Variants in ABCA13 observed in about 807,000 individuals in gnomAD.
ABCA13 encodes the protein ATP binding cassette subfamily A member 13.
A neutral mutation model predicts 478.7 loss-of-function variants in ABCA13; 476 were observed. The ratio of observed to expected loss-of-function variants is 0.99; its 90% CI spans 0.92 to 1.07. The LOEUF (loss-of-function observed/expected upper bound fraction) is 1.07, where lower values mean the gene tolerates loss of function less well. Among genes scored for constraint, ABCA13 ranks in the 50% least tolerant of loss-of-function variants. The pLI, the probability that ABCA13 is intolerant of heterozygous loss-of-function variation, is 0.00. For missense variants in ABCA13, 6,060 were observed against 5,910.6 expected (o/e 1.03, Z -0.83); for synonymous variants, 2,252 against 2,158.9 (o/e 1.04, Z -1.20).
At chr7:48,356,198 GA>G (rs1809884103) in intron 31 of ABCA13, among the ~76,000 whole-genome samples, 3 of 151,818 alleles carry the variant, frequency 2.0e-5, no homozygotes, top group African/African-American at 7.3e-5. Flanking sequence ...GGTAAAGACA[GA>G]TAATCGACCA....
intron 58 of ABCA13, among the ~76,000 whole-genome samples, chr7:48,611,665 AG>A (rs1165972255): frequency 6.6e-6 from 1 of 152,188 alleles, no homozygotes; most frequent in African/African-American, 2.4e-5. Context: ...TCATGAGAAA[AG>A]CAAGGGGGAA....
intron 26 of ABCA13, among the ~76,000 whole-genome samples, chr7:48,316,008 G>A (rs1469086573): frequency 1.3e-5 from 2 of 151,972 alleles, no homozygotes; most frequent in African/African-American, 4.8e-5. Context: ...ATGTTCTCTT[G>A]ATGAGTAAAG....
intron 3 of ABCA13, among the ~76,000 whole-genome samples, chr7:48,204,068 C>T (rs1418415579): frequency 6.6e-6 from 1 of 151,850 alleles, no homozygotes. Flanking sequence ...CCTGCTGCTG[C>T]CTCACCTCAG....
intron 46 of ABCA13, among the ~76,000 whole-genome samples, chr7:48,482,249 G>T (rs926350614): frequency 6.6e-6 from 1 of 152,108 alleles, no homozygotes; most frequent in South Asian, 2.1e-4. Flanking sequence ...GAACTCAAAA[G>T]ACAAGGAACA....
chr7:48,503,475 C>G (rs1396282677), intron 48 of ABCA13, among the ~76,000 whole-genome samples: 1 of 152,208 alleles, frequency 6.6e-6, no homozygotes, highest in Non-Finnish European at 1.5e-5. Context: ...TGACAGCCTT[C>G]TACTCTCTCT....
At chr7:48,550,265 C>CTTTTTTTTT (rs57540403) in intron 55 of ABCA13, among the ~76,000 whole-genome samples, 7 of 148,326 alleles carry the variant, frequency 4.7e-5, no homozygotes, top group Non-Finnish European at 8.9e-5. Flanking sequence ...CTCTATTTTT[C>CTTTTTTTTT]TTTTTTTTGG....
intron 21 of ABCA13, among the ~76,000 whole-genome samples, chr7:48,296,464 CT>C (rs557053131): frequency 1.0e-3 from 146 of 143,380 alleles, no homozygotes; most frequent in Non-Finnish European, 9.8e-4. Context: ...TTTCTTTTCT[CT>C]TTTTTTTTTT....
chr7:48,321,709 C>G (rs1013707919), intron 27 of ABCA13, among the ~76,000 whole-genome samples: 1 of 152,148 alleles, frequency 6.6e-6, no homozygotes, highest in Non-Finnish European at 1.5e-5. Context: ...GGCCTCAGCA[C>G]CAAGCTGGCC....
At chr7:48,438,659 C>T (rs1823168502) in intron 42 of ABCA13, among the ~76,000 whole-genome samples, 1 of 151,200 alleles carries the variant, frequency 6.6e-6, no homozygotes, top group South Asian at 2.1e-4. Flanking sequence ...TGAAACTTAT[C>T]AAAATTTTAC....
chr7:48,225,135 GCCTTCCTTCCTTCCTT>G lies in ABCA13; in HGVS notation c.469-2085_469-2070del, dbSNP rs1202516045. Among the ~76,000 whole-genome samples the G allele has an allele frequency of 2.4e-4, 17 of 69,894 alleles. 1 individual carries two copies. Among genetic ancestry groups the G allele is most frequent in the African/African-American group, 6.9e-4 (13 of 18,736 alleles). The allele number at this position is 69,894 out of a possible 152,430, so 45.9% of individuals were successfully genotyped here. On this transcript the variant is annotated intron_variant, in intron 5 of 61. Transcript: ENST00000435803. ...TGCCTGCCTGCCTGCCTGCCTGCCT[GCCTTCCTTCCTTCCTT>G]CCTTCCTTCCTTCCTTCCTTCCTTC...
intron 24 of ABCA13, 94 bp from the exon 25 acceptor site, chr7:48,312,973 G>A (rs56322731): frequency 0.16 from 206,086 of 1,316,148 alleles, 17,654 homozygotes; most frequent in African/African-American, 0.31. Context: ...AATAAAATCA[G>A]ATAAACAAGT....
intron 35 of ABCA13, among the ~76,000 whole-genome samples, chr7:48,380,848 C>A (rs577302469): frequency 1.3e-5 from 2 of 152,076 alleles, no homozygotes; most frequent in Non-Finnish European, 2.9e-5. Flanking sequence ...AGCAAAAAAC[C>A]AATCCAGAGC....
At chr7:48,253,135 G>T (rs1241048309) in intron 15 of ABCA13, among the ~76,000 whole-genome samples, 1 of 152,140 alleles carries the variant, frequency 6.6e-6, no homozygotes, top group Non-Finnish European at 1.5e-5. Flanking sequence ...GATGTTTATT[G>T]TATTCCTATG....
rs115190181 is a variant in ABCA13 at position 48,553,111 on chromosome 7, G to C, written c.14354+24766G>C. On this transcript the variant is annotated intron_variant, in intron 55 of 61. Coordinates refer to ENST00000435803, the MANE Select transcript of ABCA13 (RefSeq NM_152701.5). The stretch of plus-strand genomic sequence containing the variant: ...CTTGGTTTATTTCACTTAACACAAT[G>C]ACCACCAGTTCCATACATGTTGCAA... Among the ~76,000 whole-genome samples, 953 of 152,124 alleles carry C rather than the reference G, an allele frequency of 6.3e-3. 12 individuals are homozygous for C. Among genetic ancestry groups the C allele is most frequent in the African/African-American group, 0.022 (901 of 41,544 alleles).
chr7:48,583,526 T>C (rs994619536), intron 56 of ABCA13, among the ~76,000 whole-genome samples: 2 of 152,260 alleles, frequency 1.3e-5, no homozygotes, highest in African/African-American at 4.8e-5. Context: ...AGTCCTACTA[T>C]GTGCCAAACA....
chr7:48,247,517 AC>A (rs146024080), intron 13 of ABCA13, among the ~76,000 whole-genome samples: 1,657 of 152,206 alleles, frequency 0.011, 31 homozygotes, highest in African/African-American at 0.038. Flanking sequence ...GTGACCTAAA[AC>A]AAAACACATT....
At chr7:48,538,486 A>G (rs1364619641) in intron 55 of ABCA13, among the ~76,000 whole-genome samples, 1 of 152,176 alleles carries the variant, frequency 6.6e-6, no homozygotes, top group Non-Finnish European at 1.5e-5. Context: ...AGAACATCCA[A>G]TGACTTTTCA....
chr7:48,481,853 T>C (rs1162667458), intron 46 of ABCA13, among the ~76,000 whole-genome samples: 2 of 152,066 alleles, frequency 1.3e-5, no homozygotes, highest in Non-Finnish European at 2.9e-5. Context: ...ATCTGGCACA[T>C]CAAAGATGTT....
At chr7:48,292,807 C>T (rs1020972957) in intron 20 of ABCA13, among the ~76,000 whole-genome samples, 4 of 152,202 alleles carry the variant, frequency 2.6e-5, no homozygotes, top group African/African-American at 7.2e-5. Flanking sequence ...CTACAGCTGT[C>T]TGCTGGTAGT....
Sources: gnomAD v4.1 joint callset for allele counts (sites outside exome capture counted in the v4.1 genomes callset) on GRCh38, gnomAD v4.1.1 for gene constraint, MANE v1.5 for transcripts, NCBI Gene and HGNC (gene_info 2026-07-23, HGNC 2026-07-21) for gene names.